The following SCEL variants were observed in gnomAD, a reference collection of about 807,000 sequenced individuals.
SCEL encodes the protein sciellin.
SCEL carries 113 observed loss-of-function variants against 117.6 expected under a neutral mutation model. That is an observed-to-expected ratio of 0.96 (90% CI 0.83 to 1.12). SCEL has a LOEUF of 1.12. SCEL is among the 50% of genes most tolerant of loss of function. The pLI is 0.00. For missense variants in SCEL, 785 were observed against 810.8 expected (o/e 0.97, Z 0.39); for synonymous variants, 270 against 256.2 (o/e 1.05, Z -0.51).
chr13:77,608,211 AGAAAG>A, intron 20 of SCEL, 96 bp downstream of exon 20: 3 of 910,144 alleles, frequency 3.3e-6, no homozygotes, highest in Non-Finnish European at 5.1e-6. Context: ...GATTGGGATC[AGAAAG>A]GCTGAACCCC....
chr13:77,597,664 C>G, intron 13 of SCEL, 75 bp downstream of exon 13: 1 of 743,164 alleles, frequency 1.3e-6, no homozygotes, highest in Non-Finnish European at 2.2e-6. Context: ...AGTCTTTGAG[C>G]GTGAGGACCC....
chr13:77,594,116 C>T (rs1467399957), intron 12 of SCEL, among the ~76,000 whole-genome samples: 1 of 152,168 alleles, frequency 6.6e-6, no homozygotes, highest in Admixed American at 6.5e-5. Flanking sequence ...TCATTGACTC[C>T]TTCACAGATT....
At chr13:77,569,953 A>G (rs907240883) in intron 8 of SCEL, among the ~76,000 whole-genome samples, 2 of 152,138 alleles carry the variant, frequency 1.3e-5, no homozygotes, top group African/African-American at 2.4e-5. Flanking sequence ...GCTGAGTCCT[A>G]TGTAATTAGC....
At chr13:77,594,648 A>G (rs17068039) in intron 12 of SCEL, among the ~76,000 whole-genome samples, 6,345 of 152,220 alleles carry the variant, frequency 0.042, 442 homozygotes, top group African/African-American at 0.14. Flanking sequence ...TATCATCTCT[A>G]TAGTCTCTCA....
intron 11 of SCEL, among the ~76,000 whole-genome samples, chr13:77,592,981 A>G (rs1035821346): frequency 2.0e-5 from 3 of 152,078 alleles, no homozygotes; most frequent in Admixed American, 6.6e-5. Flanking sequence ...GCTTCCACCT[A>G]TTCTAGAGTC....
At chr13:77,539,748 A>G (rs1219612232) in intron 1 of SCEL, among the ~76,000 whole-genome samples, 2 of 151,992 alleles carry the variant, frequency 1.3e-5, no homozygotes, top group Non-Finnish European at 2.9e-5. Context: ...GTTAGCCAGG[A>G]TGGTCTCGAT....
chr13:77,553,711 C>T (rs930869153), intron 1 of SCEL, among the ~76,000 whole-genome samples: 2 of 152,032 alleles, frequency 1.3e-5, no homozygotes, highest in African/African-American at 4.8e-5. Context: ...TGTCTTTGCT[C>T]TCTGCTTGTC....
chr13:77,577,720 G>T (rs1269009528), intron 9 of SCEL, among the ~76,000 whole-genome samples: 1 of 152,184 alleles, frequency 6.6e-6, no homozygotes, highest in African/African-American at 2.4e-5. Flanking sequence ...TCTTAATAAA[G>T]ATATGGGATG....
intron 22 of SCEL, among the ~76,000 whole-genome samples, chr13:77,610,683 A>G (rs2088590867): frequency 1.3e-5 from 2 of 152,042 alleles, no homozygotes; most frequent in Non-Finnish European, 2.9e-5. Context: ...CCATGAGACA[A>G]AACATCACCC....
chr13:77,581,537 C>G (rs953919943), intron 9 of SCEL, among the ~76,000 whole-genome samples: 1 of 152,094 alleles, frequency 6.6e-6, no homozygotes, highest in East Asian at 1.9e-4. Flanking sequence ...TTGTTGCCTC[C>G]GCCCCTGCCA....
chr13:77,557,690 C>T lies in SCEL; in HGVS notation c.161+977C>T, dbSNP rs532986633. ...GCAGACATTTGGCAAGGTTGGGAGA[C>T]ATTTTTGTTGTTAAAATTGAGGAGT... is the stretch of plus-strand genomic sequence containing the variant. On this transcript the variant is annotated intron_variant, in intron 3 of 32. Coordinates refer to ENST00000349847, the MANE Select transcript of SCEL (RefSeq NM_144777.3). 6.6e-5 allele frequency among the ~76,000 whole-genome samples: 10 copies of T among 152,280 alleles called. 1 individual carries two copies. The highest frequency in any genetic ancestry group is 6.5e-4 in the Admixed American group (10 of 15,280).
At chr13:77,556,226 A>G (rs577420529) in intron 2 of SCEL, among the ~76,000 whole-genome samples, 1 of 152,302 alleles carries the variant, frequency 6.6e-6, no homozygotes, top group South Asian at 2.1e-4. Flanking sequence ...GACTATTACT[A>G]TGTATTATAA....
At chr13:77,609,949 A>G (rs985264132) in intron 21 of SCEL, 98 bp from the exon 22 acceptor site, 25 of 631,310 alleles carry the variant, frequency 4.0e-5, no homozygotes, top group Non-Finnish European at 7.1e-6. Context: ...TTATTATTTT[A>G]ATAAATATTT....
intron 30 of SCEL, 145 bp downstream of exon 30, chr13:77,637,339 CAT>C (rs376822085): frequency 0.021 from 1,844 of 89,226 alleles, 26 homozygotes; most frequent in South Asian, 0.073. Context: ...CATATATAAA[CAT>C]ATATACATAT....
chr13:77,574,158 T>A (rs1370644235), intron 9 of SCEL, among the ~76,000 whole-genome samples: 1 of 152,252 alleles, frequency 6.6e-6, no homozygotes, highest in Admixed American at 6.5e-5. Context: ...AGCAACTGGT[T>A]ATATAACAGT....
At chr13:77,581,501 C>T (rs1436944037) in intron 9 of SCEL, among the ~76,000 whole-genome samples, 3 of 152,116 alleles carry the variant, frequency 2.0e-5, no homozygotes, top group African/African-American at 7.2e-5. Flanking sequence ...CCCAGATTCC[C>T]ACCTCTCCTC....
intron 29 of SCEL, 52 bp from the exon 30 acceptor site, chr13:77,637,068 C>G: frequency 1.1e-6 from 1 of 883,876 alleles, no homozygotes; most frequent in Non-Finnish European, 1.8e-6. Flanking sequence ...GTTTTCTTAT[C>G]TACATAAGGA....
chr13:77,630,135 G>A (rs2089961016), intron 28 of SCEL, among the ~76,000 whole-genome samples: 1 of 152,130 alleles, frequency 6.6e-6, no homozygotes, highest in Non-Finnish European at 1.5e-5. Context: ...GGCTATCCTT[G>A]GGGGAGAATG....
At chr13:77,585,093 A>G (rs574565970) in intron 9 of SCEL, among the ~76,000 whole-genome samples, 109 of 152,146 alleles carry the variant, frequency 7.2e-4, no homozygotes, top group Non-Finnish European at 1.3e-3. Context: ...TTTGGTACCC[A>G]TTTCCTCCCT....
Sources: allele counts gnomAD v4.1 joint callset (sites outside exome capture counted in the v4.1 genomes callset), GRCh38; gene constraint gnomAD v4.1.1; transcripts MANE v1.5; gene names NCBI Gene and HGNC (gene_info 2026-07-23, HGNC 2026-07-21).